ABHD2: variants seen among roughly 807,000 people sequenced by gnomAD.
The protein encoded by ABHD2 is monoacylglycerol lipase ABHD2.
In ABHD2, 20 loss-of-function variants were observed where a neutral mutation model predicts 48.1. The observed-to-expected ratio is 0.42, with a 90% CI of 0.29 to 0.60. ABHD2 has a LOEUF of 0.60. Among genes scored for constraint, ABHD2 ranks in the 20% least tolerant of loss-of-function variants. ABHD2 has a pLI of 0.24. For synonymous variants in ABHD2, 209 were observed against 214.2 expected, an observed-to-expected ratio of 0.98 and a Z score of 0.21; for missense variants, 405 against 550.9, an observed-to-expected ratio of 0.74 and a Z score of 2.65.
chr15:89,057,677 A>G, the ABHD2 span, among the ~76,000 whole-genome samples: 1 of 151,862 alleles, frequency 6.6e-6, no homozygotes, highest in Non-Finnish European at 1.5e-5. Context: ...CATTCCCTCC[A>G]TGGCCTCAGG....
intron 1 of ABHD2, among the ~76,000 whole-genome samples, chr15:89,098,736 C>T (rs1197795513): frequency 6.6e-6 from 1 of 152,140 alleles, no homozygotes; most frequent in African/African-American, 2.4e-5. Context: ...ATTTAGAAAA[C>T]ATAGTTCCTT....
rs1445196195 is a variant in ABHD2, at chr15:89,182,304, C to G, written c.723-3120C>G. Among the ~76,000 whole-genome samples, 1 of 152,208 alleles carries G rather than the reference C, an allele frequency of 6.6e-6. No individual in the cohort carries two copies. The highest frequency in any genetic ancestry group is 6.5e-5 in the Admixed American group (1 of 15,274). On this transcript the variant is annotated intron_variant, in intron 6 of 10. Transcript: ENST00000352732. This position sits in a 1 kb window ranked among gnomAD's most constrained non-coding sequence, Gnocchi z 4.8. ...TACCCTCCTTCCAGCAAGATTCACT[C>G]TGAATTTTGCAAAGCCATTCCCTCC... is the stretch of plus-strand genomic sequence containing the variant.
At chr15:89,068,380 C>T in the ABHD2 span, among the ~76,000 whole-genome samples, 1 of 152,202 alleles carries the variant, frequency 6.6e-6, no homozygotes, top group South Asian at 2.1e-4. Flanking sequence ...CTAGCCTCTG[C>T]TCCCTGGTGT....
chr15:89,146,804 T>A lies in ABHD2; in HGVS notation c.195-4873T>A, dbSNP rs2050499204. Among the ~76,000 whole-genome samples, 1 of 152,210 alleles carries A rather than the reference T, an allele frequency of 6.6e-6. No individual in the cohort carries two copies. The highest frequency in any genetic ancestry group is 3.2e-3 in the Middle Eastern group (1 of 316). ...TTTACTATAGGATTTAATGGAGAGA[T>A]GTACCATGTTTTTGGATGGGACACA... On this transcript the variant is annotated intron_variant, in intron 3 of 10. Transcript: ENST00000352732. This position sits in a 1 kb window ranked among gnomAD's most constrained non-coding sequence, Gnocchi z 4.2.
intron 1 of ABHD2, among the ~76,000 whole-genome samples, chr15:89,099,024 C>A (rs1379207917): frequency 6.6e-6 from 1 of 152,168 alleles, no homozygotes; most frequent in East Asian, 1.9e-4. Flanking sequence ...ATTCCTAGAG[C>A]CTCACCAGGG....
rs144438740 is a variant in ABHD2 at position 89,175,153 on chromosome 15, G to T, written c.539-659G>T. ...AACACCATGAATCATCATACACATGGGTATAGCATCCCAATTTGTAGCCTA... is the reference window on the plus strand; with the variant it reads ...AACACCATGAATCATCATACACATGTGTATAGCATCCCAATTTGTAGCCTA... On this transcript the variant is annotated intron_variant, in intron 5 of 10. Transcript: ENST00000352732. This position sits in a 1 kb window ranked among gnomAD's most constrained non-coding sequence, Gnocchi z 5.7. Among the ~76,000 whole-genome samples the T allele has an allele frequency of 2.4e-3, 369 of 152,262 alleles. 2 individuals carry two copies. The highest frequency in any genetic ancestry group is 8.0e-3 in the African/African-American group (334 of 41,542).
rs908270301 is a variant in ABHD2 at position 89,196,718 on chromosome 15, A to T, written c.*1295A>T. The T allele has an allele frequency of 6.6e-6, 1 of 152,326 alleles. No homozygotes were observed. Among genetic ancestry groups the T allele is most frequent in the Non-Finnish European group, 1.5e-5 (1 of 68,028 alleles). 9.4% of individuals were successfully genotyped at this position (152,326 alleles called of 1,614,324 possible). On this transcript the variant is annotated 3_prime_UTR_variant, in exon 11 of 11. Coordinates refer to ENST00000352732, the MANE Select transcript of ABHD2 (RefSeq NM_152924.5). ...AAAAGTTGGATCTGAGTTTGGAGAA[A>T]GATATTTCCAACCTAAGTGGGTATT...
chr15:89,054,983 C>T, the ABHD2 span, among the ~76,000 whole-genome samples: 1 of 152,004 alleles, frequency 6.6e-6, no homozygotes, highest in African/African-American at 2.4e-5. Context: ...CCTAGTAACT[C>T]GGGAGGCTGA....
chr15:89,097,519 T>G lies in ABHD2; in HGVS notation c.-107+8956T>G, dbSNP rs1567065475. On this transcript the variant is annotated intron_variant, in intron 1 of 10. Transcript: ENST00000352732. This position sits in a 1 kb window ranked among gnomAD's most constrained non-coding sequence, Gnocchi z 4.2. ...AGGATTAGACATTATGATTGATTGC[T>G]CTACCATTTATGTCTCTTTTAAGCT... 6.6e-6 allele frequency among the ~76,000 whole-genome samples: 1 copy of G among 152,246 alleles called. No homozygotes were observed. Among genetic ancestry groups the G allele is most frequent in the Non-Finnish European group, 1.5e-5 (1 of 68,044 alleles).
rs1266937562 is a variant in ABHD2, at chr15:89,114,648, A to C, written c.-7+824A>C. Among the ~76,000 whole-genome samples, 1 of 151,982 alleles carries C rather than the reference A, an allele frequency of 6.6e-6. No individual in the cohort carries two copies. The highest frequency in any genetic ancestry group is 1.5e-5 in the Non-Finnish European group (1 of 67,980). ...CAGGCATGTGCCACCACGCCCGGCA[A>C]ATTTTTGTATTTTTGGTAGAGACAG... On this transcript the variant is annotated intron_variant, in intron 2 of 10. Coordinates refer to ENST00000352732, the MANE Select transcript of ABHD2 (RefSeq NM_152924.5). The surrounding 1 kb of genome is among the most constrained non-coding windows in gnomAD (Gnocchi z 4.2).
intron 6 of ABHD2, among the ~76,000 whole-genome samples, chr15:89,180,169 G>A (rs779499844): frequency 3.9e-5 from 6 of 152,166 alleles, no homozygotes; most frequent in Non-Finnish European, 8.8e-5. Context: ...CTCTATGGAC[G>A]GAACCTCACC....
At chr15:89,119,766 G>A (rs778388865) in intron 3 of ABHD2, among the ~76,000 whole-genome samples, 1 of 152,138 alleles carries the variant, frequency 6.6e-6, no homozygotes, top group Non-Finnish European at 1.5e-5. Context: ...TTCTGTTTCT[G>A]TCACTCCACT....
chr15:89,041,959 G>A, the ABHD2 span, among the ~76,000 whole-genome samples: 1 of 152,212 alleles, frequency 6.6e-6, no homozygotes. Flanking sequence ...GTCGGAACCA[G>A]AGGTCACCCG....
At chr15:89,076,747 G>A in the ABHD2 span, among the ~76,000 whole-genome samples, 1 of 152,168 alleles carries the variant, frequency 6.6e-6, no homozygotes, top group African/African-American at 2.4e-5. Context: ...GCCTTCCAAA[G>A]TGCTAGGATT....
intron 1 of ABHD2, among the ~76,000 whole-genome samples, chr15:89,105,927 C>T (rs572491491): frequency 6.6e-6 from 1 of 151,980 alleles, no homozygotes; most frequent in South Asian, 2.1e-4. Flanking sequence ...GTCTTGAACT[C>T]CTGGGCTCAA....
At chr15:89,060,987 T>A in the ABHD2 span, among the ~76,000 whole-genome samples, 1 of 151,452 alleles carries the variant, frequency 6.6e-6, no homozygotes, top group African/African-American at 2.4e-5. Context: ...AATGAAGAAA[T>A]AGAAAATCAA....
rs56838178 is a variant in ABHD2 at position 89,120,506 on chromosome 15, G to A, written c.194+3985G>A. ...TTTCTTTTTTCTTTTTTGAGACAGA[G>A]TCTCACTCTGTTGCCTAGGCTGGAG... is the stretch of plus-strand genomic sequence containing the variant. On this transcript the variant is annotated intron_variant, in intron 3 of 10. Coordinates refer to ENST00000352732, the MANE Select transcript of ABHD2 (RefSeq NM_152924.5). This position sits in a 1 kb window ranked among gnomAD's most constrained non-coding sequence, Gnocchi z 4.2. 1.7e-3 allele frequency among the ~76,000 whole-genome samples: 261 copies of A among 151,900 alleles called. 1 individual carries two copies. The highest frequency in any genetic ancestry group is 6.0e-3 in the African/African-American group (250 of 41,416).
intron 3 of ABHD2, among the ~76,000 whole-genome samples, chr15:89,129,169 G>GAGC (rs1362648982): frequency 6.6e-6 from 1 of 152,132 alleles, no homozygotes; most frequent in Non-Finnish European, 1.5e-5. Context: ...AAGACCAGAT[G>GAGC]TGTAGATTCC....
intron 3 of ABHD2, among the ~76,000 whole-genome samples, chr15:89,138,958 A>G (rs1231857479): frequency 6.6e-6 from 1 of 151,762 alleles, no homozygotes; most frequent in Non-Finnish European, 1.5e-5. Context: ...GCTCACTTCT[A>G]TAATTCCAGC....
Sources: allele counts gnomAD v4.1 joint callset (sites outside exome capture counted in the v4.1 genomes callset), GRCh38; gene constraint gnomAD v4.1.1; non-coding constraint Gnocchi (gnomAD v3.1); transcripts MANE v1.5; gene names NCBI Gene and HGNC (gene_info 2026-07-23, HGNC 2026-07-21).